The following NEK6 variants were observed in gnomAD, a reference collection of about 807,000 sequenced individuals.
The protein encoded by NEK6 is serine/threonine-protein kinase Nek6.
Under a neutral mutation model 43.5 loss-of-function variants are expected in NEK6, and 27 were observed. That is an observed-to-expected ratio of 0.62 (90% CI 0.46 to 0.86). The LOEUF (loss-of-function observed/expected upper bound fraction) is 0.86, where lower values mean the gene tolerates loss of function less well. NEK6 is among the 40% of genes least tolerant of loss of function. The probability of loss-of-function intolerance (pLI) is 0.00; values close to 1 mark genes in which losing one functional copy is unlikely to be tolerated. For missense variants in NEK6, 318 were observed against 414.4 expected, an observed-to-expected ratio of 0.77 and a Z score of 2.02; for synonymous variants, 167 against 164.1, an observed-to-expected ratio of 1.02 and a Z score of -0.14.
intron 1 of NEK6, chr9:124,299,931 G>A (rs766086783): frequency 6.6e-6 from 1 of 152,116 alleles, no homozygotes; most frequent in South Asian, 2.1e-4. Context: ...CCTGAGTTGG[G>A]CGTGTTCTGC....
chr9:124,286,053 GTCTCGTGAACGGT>G lies in NEK6; in HGVS notation c.-29-15880_-29-15868del, dbSNP rs1259345251. Among the ~76,000 whole-genome samples, 3 of 152,288 alleles carry G rather than the reference GTCTCGTGAACGGT, an allele frequency of 2.0e-5. No homozygotes were observed. The South Asian group carries it at 6.2e-4, about 32-fold the overall frequency. ...CCAAGGCTGAAACTCATGACTCCTA[GTCTCGTGAACGGT>G]TCCCCCCTCCCTGCCCTCCCCCGCA... On this transcript the variant is annotated intron_variant, in intron 1 of 9. Transcript: ENST00000320246.
At chr9:124,347,938 A>C in intron 9 of NEK6, 116 bp downstream of exon 9, 1 of 606,170 alleles carries the variant, frequency 1.6e-6, no homozygotes, top group Non-Finnish European at 2.9e-6. Flanking sequence ...TACACGGTGC[A>C]GAAAGGGAGC....
At position 124,351,778 on chromosome 9, in the gene NEK6, C is replaced by A. The variant is rs1206165960; in HGVS notation, c.*831C>A. The A allele has an allele frequency of 6.6e-6, 1 of 152,226 alleles. No homozygotes were observed. The highest frequency in any genetic ancestry group is 2.4e-5 in the African/African-American group (1 of 41,444). The allele number at this position is 152,226 out of a possible 1,614,324, so 9.4% of individuals were successfully genotyped here. On this transcript the variant is annotated 3_prime_UTR_variant, in exon 10 of 10. Coordinates refer to ENST00000320246, the MANE Select transcript of NEK6 (RefSeq NM_014397.6). Reference sequence around the variant, plus strand: ...TTCCTAGCGTGACTTTGGGCTTGGGCAAGTTTCTTAGCCGTTCTGAGCCTT... The same window carrying A: ...TTCCTAGCGTGACTTTGGGCTTGGGAAAGTTTCTTAGCCGTTCTGAGCCTT...
chr9:124,331,407 C>T (rs1828991671), intron 7 of NEK6, among the ~76,000 whole-genome samples: 1 of 152,128 alleles, frequency 6.6e-6, no homozygotes, highest in Non-Finnish European at 1.5e-5. Flanking sequence ...TAGCCAGATA[C>T]CAGAGCCCCA....
In NEK6 at chr9:124,258,054, C is replaced by A; in HGVS notation, c.-61C>A. The A allele has an allele frequency of 1.0e-6, 1 of 979,284 alleles. No homozygotes were observed. Among genetic ancestry groups the A allele is most frequent in the Non-Finnish European group, 1.2e-6 (1 of 827,578 alleles). 60.7% of individuals were successfully genotyped at this position (979,284 alleles called of 1,614,324 possible). ...CCGCCCGCGGGCCAGCGCACCGGTC[C>A]CCCAGCGGCAGCCGAGCCCGCCCGC... On this transcript the variant is annotated 5_prime_UTR_variant, in exon 1 of 10. Transcript: ENST00000320246.
chr9:124,301,881 C>G, intron 1 of NEK6, 55 bp from the exon 2 acceptor site: 1 of 1,408,720 alleles, frequency 7.1e-7, no homozygotes, highest in South Asian at 1.2e-5. Flanking sequence ...GAAAGTCCCT[C>G]CTCCTTCTGA....
intron 9 of NEK6, among the ~76,000 whole-genome samples, chr9:124,350,046 CTGAG>C (rs1296400781): frequency 6.6e-6 from 1 of 152,220 alleles, no homozygotes; most frequent in African/African-American, 2.4e-5. Flanking sequence ...TTCCCAGTCC[CTGAG>C]TGAGTGTGGC....
At chr9:124,308,775 C>T (rs1352705881) in intron 2 of NEK6, among the ~76,000 whole-genome samples, 1 of 152,026 alleles carries the variant, frequency 6.6e-6, no homozygotes, top group African/African-American at 2.4e-5. Context: ...GCCCCACGCC[C>T]GTCTTGCAGT....
At chr9:124,316,868 C>T (rs1338119341) in intron 4 of NEK6, among the ~76,000 whole-genome samples, 1 of 152,186 alleles carries the variant, frequency 6.6e-6, no homozygotes, top group Non-Finnish European at 1.5e-5. Flanking sequence ...CTTGATGGGG[C>T]TTTACTTCCT....
chr9:124,341,081 C>T (rs1374976210), intron 8 of NEK6, among the ~76,000 whole-genome samples: 5 of 152,180 alleles, frequency 3.3e-5, no homozygotes, highest in Non-Finnish European at 2.9e-5. Flanking sequence ...TCACTCTTGT[C>T]GCCCGGGCTG....
At chr9:124,271,143 C>T (rs1386961199) in intron 1 of NEK6, among the ~76,000 whole-genome samples, 1 of 152,270 alleles carries the variant, frequency 6.6e-6, no homozygotes, top group Non-Finnish European at 1.5e-5. Flanking sequence ...GTGCCAAAGA[C>T]ACACCATGGT....
At chr9:124,257,708 C>A (rs1473202290), upstream of NEK6, 1 of 1,533,572 alleles carries the variant, frequency 6.5e-7, no homozygotes, top group Admixed American at 2.0e-5. Flanking sequence ...TGGGGAGACG[C>A]CGGCCTGCGC....
chr9:124,347,160 C>T (rs147387807), intron 8 of NEK6, among the ~76,000 whole-genome samples: 5 of 152,344 alleles, frequency 3.3e-5, no homozygotes, highest in Admixed American at 2.6e-4. Context: ...TCCCCCTGCC[C>T]TGATACCGGC....
At position 124,257,960 on chromosome 9, in the gene NEK6, G is replaced by A. The variant is rs1830871241; in HGVS notation, c.-155G>A. 3 of 978,982 alleles carry A rather than the reference G, an allele frequency of 3.1e-6. No individual in the cohort carries two copies. The highest frequency in any genetic ancestry group is 2.4e-6 in the Non-Finnish European group (2 of 827,478). 60.6% of individuals were successfully genotyped at this position (978,982 alleles called of 1,614,324 possible). On this transcript the variant is annotated 5_prime_UTR_variant, in exon 1 of 10. Coordinates refer to ENST00000320246, the MANE Select transcript of NEK6 (RefSeq NM_014397.6). ...GCGGGCCCGCGCAGGCGGTGGCGGC[G>A]GCGGCGGAACCGAGCTGACGGGCGT...
intron 1 of NEK6, among the ~76,000 whole-genome samples, chr9:124,295,789 C>T (rs1343282091): frequency 6.6e-6 from 1 of 152,214 alleles, no homozygotes; most frequent in African/African-American, 2.4e-5. Context: ...GCATTCCTTA[C>T]AGCCCCTGGG....
chr9:124,304,505 G>A (rs1833157573), intron 2 of NEK6, among the ~76,000 whole-genome samples: 5 of 152,232 alleles, frequency 3.3e-5, no homozygotes, highest in Admixed American at 3.3e-4. Context: ...CTTCCCTCAT[G>A]AGGCGGCTGT....
At chr9:124,292,664 C>T (rs1215263369) in intron 1 of NEK6, 4 of 1,324,512 alleles carry the variant, frequency 3.0e-6, no homozygotes, top group Non-Finnish European at 4.1e-6. Context: ...TTCCCTTAAG[C>T]CCCAGCCTCT....
At chr9:124,301,303 C>T (rs552588769) in intron 1 of NEK6, among the ~76,000 whole-genome samples, 2 of 152,326 alleles carry the variant, frequency 1.3e-5, no homozygotes, top group African/African-American at 4.8e-5. Context: ...CTATGACCAG[C>T]ATCTCTGACT....
At chr9:124,270,774 C>G (rs1831407999) in intron 1 of NEK6, among the ~76,000 whole-genome samples, 1 of 152,220 alleles carries the variant, frequency 6.6e-6, no homozygotes. Flanking sequence ...GGGGAGGCAG[C>G]TGAGACTCTG....
Sources: allele counts gnomAD v4.1 joint callset (sites outside exome capture counted in the v4.1 genomes callset), GRCh38; gene constraint gnomAD v4.1.1; transcripts MANE v1.5; gene names NCBI Gene and HGNC (gene_info 2026-07-23, HGNC 2026-07-21).